The following TENM4 variants were observed in gnomAD, a reference collection of about 807,000 sequenced individuals.
TENM4 encodes the protein teneurin-4.
A neutral mutation model predicts 243.3 loss-of-function variants in TENM4; 82 were observed. The observed-to-expected ratio is 0.34, with a 90% confidence interval of 0.28 to 0.40. TENM4 has a LOEUF of 0.40. Ranked by LOEUF, TENM4 falls within the 10% of genes least tolerant of loss-of-function variation. The pLI is 1.00. For missense variants in TENM4, 3,138 were observed against 3,673.3 expected (o/e 0.85, Z 3.77); for synonymous variants, 1,412 against 1,456.3 (o/e 0.97, Z 0.69).
intron 3 of TENM4, among the ~76,000 whole-genome samples, chr11:79,162,477 ATTTAT>A (rs1862770294): frequency 6.6e-6 from 1 of 151,976 alleles, no homozygotes; most frequent in Admixed American, 6.6e-5. Flanking sequence ...TTATTTATTT[ATTTAT>A]TTATTTATTA....
intron 2 of TENM4, among the ~76,000 whole-genome samples, chr11:79,291,214 A>C (rs906755162): frequency 2.0e-5 from 3 of 152,100 alleles, no homozygotes; most frequent in Non-Finnish European, 2.9e-5. Context: ...GAAGCACAGA[A>C]AACCCTTCTC....
At chr11:79,381,485 C>T (rs1043057842) in intron 1 of TENM4, among the ~76,000 whole-genome samples, 1 of 151,554 alleles carries the variant, frequency 6.6e-6, no homozygotes, top group Non-Finnish European at 1.5e-5. Context: ...CAAGAGTCCC[C>T]AACGTTTGCT....
intron 4 of TENM4, among the ~76,000 whole-genome samples, chr11:79,108,078 C>T (rs2512081): frequency 0.6 from 90,496 of 152,050 alleles, 27,000 homozygotes; most frequent in African/African-American, 0.63. Flanking sequence ...CTCCAAAATT[C>T]GTATTACAAA....
At chr11:78,884,337 A>G (rs1855500681) in intron 9 of TENM4, among the ~76,000 whole-genome samples, 1 of 152,202 alleles carries the variant, frequency 6.6e-6, no homozygotes. Flanking sequence ...AGCCACTTCC[A>G]TAAGGAAAGT....
intron 3 of TENM4, among the ~76,000 whole-genome samples, chr11:79,158,519 A>C (rs1236602838): frequency 6.6e-6 from 1 of 152,202 alleles, no homozygotes; most frequent in Non-Finnish European, 1.5e-5. Flanking sequence ...ATGAAGATTA[A>C]ATTAGGAGGT....
intron 4 of TENM4, among the ~76,000 whole-genome samples, chr11:79,100,330 G>C (rs75405045): frequency 6.6e-6 from 1 of 151,974 alleles, no homozygotes; most frequent in South Asian, 2.1e-4. Flanking sequence ...AGTACCCAAA[G>C]CTCCAGCCTC....
At chr11:79,353,641 A>T (rs1477349441) in intron 1 of TENM4, among the ~76,000 whole-genome samples, 1 of 152,150 alleles carries the variant, frequency 6.6e-6, no homozygotes, top group Non-Finnish European at 1.5e-5. Context: ...CAAGCAAATC[A>T]GAAAAGCTGT....
chr11:78,704,011 A>ACG (rs1859170862), intron 27 of TENM4, among the ~76,000 whole-genome samples: 1 of 132,250 alleles, frequency 7.6e-6, no homozygotes, highest in South Asian at 2.2e-4. Context: ...GCCACCACAC[A>ACG]CACACACACA....
chr11:78,987,996 T>C (rs139304567), intron 6 of TENM4, among the ~76,000 whole-genome samples: 1 of 152,356 alleles, frequency 6.6e-6, no homozygotes, highest in East Asian at 1.9e-4. Flanking sequence ...AGGTTGAAGA[T>C]GGATGCTGCT....
At chr11:79,205,087 C>A (rs1220408252) in intron 3 of TENM4, among the ~76,000 whole-genome samples, 2 of 152,072 alleles carry the variant, frequency 1.3e-5, no homozygotes, top group African/African-American at 4.8e-5. Flanking sequence ...GGGGGCACAC[C>A]GTTATCTTCA....
chr11:79,412,711 GTAACT>G (rs751794671), intron 1 of TENM4, among the ~76,000 whole-genome samples: 4 of 152,182 alleles, frequency 2.6e-5, no homozygotes, highest in Admixed American at 2.6e-4. Context: ...CCATCTCCCA[GTAACT>G]TCCAACTACT....
At chr11:79,348,252 C>T (rs769688721) in intron 1 of TENM4, among the ~76,000 whole-genome samples, 1 of 152,160 alleles carries the variant, frequency 6.6e-6, no homozygotes, top group Admixed American at 6.5e-5. Context: ...TATAAGGCTA[C>T]ACCGAGGATA....
chr11:79,311,448 G>A (rs549287983), intron 1 of TENM4, among the ~76,000 whole-genome samples: 10 of 152,292 alleles, frequency 6.6e-5, no homozygotes, highest in South Asian at 2.1e-4. Context: ...GGCAGCTGGG[G>A]CATTGAGGGG....
At chr11:79,152,831 G>A (rs1399956446) in intron 3 of TENM4, among the ~76,000 whole-genome samples, 1 of 152,190 alleles carries the variant, frequency 6.6e-6, no homozygotes, top group African/African-American at 2.4e-5. Flanking sequence ...TAGTGAGCAG[G>A]AAGATGTCCA....
At chr11:79,049,647 T>C (rs913305878) in intron 6 of TENM4, among the ~76,000 whole-genome samples, 2 of 152,166 alleles carry the variant, frequency 1.3e-5, no homozygotes, top group Non-Finnish European at 2.9e-5. Flanking sequence ...TGTGCCTAGA[T>C]TGTATTATGC....
At chr11:79,358,259 T>G (rs1211165158) in intron 1 of TENM4, among the ~76,000 whole-genome samples, 1 of 152,194 alleles carries the variant, frequency 6.6e-6, no homozygotes, top group Non-Finnish European at 1.5e-5. Flanking sequence ...GGAAATTAAA[T>G]GATAAATATT....
intron 6 of TENM4, among the ~76,000 whole-genome samples, chr11:78,910,323 A>C (rs989830164): frequency 2.0e-5 from 3 of 152,228 alleles, no homozygotes; most frequent in African/African-American, 7.2e-5. Flanking sequence ...TAGTTATCAT[A>C]AAACAAAAAC....
At chr11:78,795,821 A>C (rs1857150212) in intron 15 of TENM4, among the ~76,000 whole-genome samples, 1 of 152,174 alleles carries the variant, frequency 6.6e-6, no homozygotes, top group African/African-American at 2.4e-5. Flanking sequence ...GATGGCTTTC[A>C]GTCTCAGTGC....
At chr11:79,293,011 G>A (rs1391848149) in intron 2 of TENM4, among the ~76,000 whole-genome samples, 1 of 152,122 alleles carries the variant, frequency 6.6e-6, no homozygotes, top group Non-Finnish European at 1.5e-5. Context: ...CAGTCCAATG[G>A]GAAAGGACCA....
Sources: gnomAD v4.1 joint callset for allele counts (sites outside exome capture counted in the v4.1 genomes callset) on GRCh38, gnomAD v4.1.1 for gene constraint, MANE v1.5 for transcripts, NCBI Gene and HGNC (gene_info 2026-07-23, HGNC 2026-07-21) for gene names.